CDH20: variants seen among roughly 807,000 people sequenced by gnomAD.
CDH20 encodes the protein cadherin-20.
A neutral mutation model predicts 74.2 loss-of-function variants in CDH20; 29 were observed. The ratio of observed to expected loss-of-function variants is 0.39; its 90% CI spans 0.29 to 0.53. CDH20 has a LOEUF of 0.53. Ranked by LOEUF, CDH20 falls within the 20% of genes least tolerant of loss-of-function variation. The pLI is 0.69. For missense variants in CDH20, 988 were observed against 1,048.3 expected, an observed-to-expected ratio of 0.94 and a Z score of 0.79; for synonymous variants, 469 against 405.4, an observed-to-expected ratio of 1.16 and a Z score of -1.88.
chr18:61,460,216 A>G (rs1157282598), intron 1 of CDH20, among the ~76,000 whole-genome samples: 2 of 152,346 alleles, frequency 1.3e-5, no homozygotes, highest in South Asian at 2.1e-4. Context: ...TTAAAATTCC[A>G]AAGGCATTTT....
intron 1 of CDH20, among the ~76,000 whole-genome samples, chr18:61,440,941 G>C (rs1599087178): frequency 6.6e-6 from 1 of 152,164 alleles, no homozygotes; most frequent in South Asian, 2.1e-4. Context: ...TCACATTGCA[G>C]AGTATGTGGA....
rs1472027632 is a variant in CDH20 at position 61,490,640 on chromosome 18, G to C, written c.87G>C (p.Thr29=). The C allele has an allele frequency of 3.7e-6, 6 of 1,613,888 alleles. No homozygotes were observed. Among genetic ancestry groups the C allele is most frequent in the Middle Eastern group, 1.6e-4 (1 of 6,084 alleles). ...ACTTCTGGGGGCTGATGGACCTTAC[G>C]ACCACCGTTCTCTCGGACACCCCAA... is the stretch of plus-strand genomic sequence containing the variant. The part of the protein sequence containing the change: ...SLYFWGLMDL[T]TTVLSDTPTP... Residue 29 remains threonine (T), a synonymous_variant, in exon 2 of 12, where the codon ACG becomes ACC. Coordinates refer to ENST00000262717, the MANE Select transcript of CDH20 (RefSeq NM_031891.4).
chr18:61,410,423 G>A lies in CDH20; in HGVS notation c.-153+76596G>A, dbSNP rs565673787. Among the ~76,000 whole-genome samples the A allele has an allele frequency of 9.2e-5, 14 of 152,254 alleles. No individual in the cohort carries two copies. In the South Asian group the frequency reaches 2.1e-3, roughly 23 times the overall value. ...TGTACAAGTATTAGTAAGGTGAAGC[G>A]AAATAAGTATTTGCATATGCTTCTA... On this transcript the variant is annotated intron_variant, in intron 1 of 11. Coordinates refer to ENST00000262717, the MANE Select transcript of CDH20 (RefSeq NM_031891.4).
intron 1 of CDH20, among the ~76,000 whole-genome samples, chr18:61,372,136 T>G (rs899855949): frequency 2.6e-5 from 4 of 152,106 alleles, no homozygotes; most frequent in Non-Finnish European, 5.9e-5. Flanking sequence ...AAAAGTTATT[T>G]TTAAAGTTTT....
intron 1 of CDH20, among the ~76,000 whole-genome samples, chr18:61,395,085 C>A (rs1484722554): frequency 6.6e-6 from 1 of 152,012 alleles, no homozygotes; most frequent in African/African-American, 2.4e-5. Context: ...CTTCCTCTTC[C>A]CCTTGCAAAA....
At chr18:61,391,993 A>G (rs995771152) in intron 1 of CDH20, among the ~76,000 whole-genome samples, 2 of 151,946 alleles carry the variant, frequency 1.3e-5, no homozygotes, top group Non-Finnish European at 2.9e-5. Context: ...TTGATCTTCC[A>G]CACTGCAGCT....
At chr18:61,472,751 T>TA (rs1311830312) in intron 1 of CDH20, among the ~76,000 whole-genome samples, 1 of 152,224 alleles carries the variant, frequency 6.6e-6, no homozygotes, top group Non-Finnish European at 1.5e-5. Flanking sequence ...TTGTAGTCAC[T>TA]AGTGCCCGTT....
intron 1 of CDH20, among the ~76,000 whole-genome samples, chr18:61,367,057 G>T (rs1050946806): frequency 2.6e-5 from 4 of 152,142 alleles, no homozygotes; most frequent in Non-Finnish European, 4.4e-5. Flanking sequence ...ATAAGAAAAT[G>T]AGTCTATTGT....
rs537456431 is a variant in CDH20, at chr18:61,337,037, C to T, written c.-153+3210C>T. Among the ~76,000 whole-genome samples, 16 of 152,236 alleles carry T rather than the reference C, an allele frequency of 1.1e-4. No homozygotes were observed. The South Asian group carries it at 1.9e-3, about 18-fold the overall frequency. ...GATTTCATTGTGGGTTGGTGTGACTCGAATAATTAGACAGTTAATTGTTCA... is the reference window on the plus strand; with the variant it reads ...GATTTCATTGTGGGTTGGTGTGACTTGAATAATTAGACAGTTAATTGTTCA... On this transcript the variant is annotated intron_variant, in intron 1 of 11. Coordinates refer to ENST00000262717, the MANE Select transcript of CDH20 (RefSeq NM_031891.4).
chr18:61,429,566 C>T (rs927882155), intron 1 of CDH20, among the ~76,000 whole-genome samples: 4 of 152,190 alleles, frequency 2.6e-5, no homozygotes, highest in African/African-American at 9.7e-5. Flanking sequence ...GTAGCCACAA[C>T]TTAATTTTCT....
At chr18:61,372,765 G>T (rs1226842118) in intron 1 of CDH20, among the ~76,000 whole-genome samples, 1 of 152,142 alleles carries the variant, frequency 6.6e-6, no homozygotes, top group African/African-American at 2.4e-5. Flanking sequence ...CTGCAGAGTT[G>T]AGTAGGTGTG....
chr18:61,548,158 A>G (rs1335484884), intron 10 of CDH20, among the ~76,000 whole-genome samples: 2 of 152,238 alleles, frequency 1.3e-5, no homozygotes, highest in African/African-American at 4.8e-5. Context: ...AAATATGAAT[A>G]TAATCCTCAG....
At position 61,499,381 on chromosome 18, in the gene CDH20, G is replaced by A. The variant is rs1012176951; in HGVS notation, c.442G>A (p.Glu148Lys). The change falls in exon 3 of 12, where the codon GAG becomes AAG. Residue 148 changes from glutamate (E) to lysine (K), a missense_variant. By Grantham distance (56) the Glu-to-Lys change is moderately conservative. Transcript: ENST00000262717. Reference protein sequence around the residue: ...DRRTGRPMEPESEFIIKIQDI... With the variant: ...DRRTGRPMEPKSEFIIKIQDI... ...GCGGACGGGCAGGCCAATGGAGCCC[G>A]AGTCAGAGTTCATCATCAAAATTCA... 46 of 1,613,984 alleles carry A rather than the reference G, an allele frequency of 2.9e-5. No homozygotes were observed. The highest frequency in any genetic ancestry group is 1.7e-4 in the Admixed American group (10 of 59,992).
At chr18:61,456,826 G>T (rs967060000) in intron 1 of CDH20, among the ~76,000 whole-genome samples, 1 of 152,246 alleles carries the variant, frequency 6.6e-6, no homozygotes, top group South Asian at 2.1e-4. Context: ...GGTGTCTGGT[G>T]AGGGTTCTCT....
At chr18:61,540,180 C>T (rs537098624) in intron 9 of CDH20, among the ~76,000 whole-genome samples, 5 of 152,260 alleles carry the variant, frequency 3.3e-5, no homozygotes, top group African/African-American at 9.6e-5. Context: ...TAGTCCTCAT[C>T]TACTGCCCTT....
intron 1 of CDH20, among the ~76,000 whole-genome samples, chr18:61,473,288 CAGAATGTATT>C (rs1312699919): frequency 6.6e-6 from 1 of 152,092 alleles, no homozygotes; most frequent in East Asian, 1.9e-4. Flanking sequence ...CAGAATGTAT[CAGAATGTATT>C]TCCCATTAAT....
intron 1 of CDH20, among the ~76,000 whole-genome samples, chr18:61,374,018 A>C (rs906076979): frequency 2.0e-5 from 3 of 152,132 alleles, no homozygotes; most frequent in Non-Finnish European, 4.4e-5. Flanking sequence ...TGACAAGGAA[A>C]TCAGGTATGC....
At chr18:61,375,269 C>T (rs138323977) in intron 1 of CDH20, among the ~76,000 whole-genome samples, 30 of 152,236 alleles carry the variant, frequency 2.0e-4, no homozygotes, top group African/African-American at 7.2e-4. Flanking sequence ...GAAGTATTCA[C>T]AGAAGTGTTT....
rs74867767 is a variant in CDH20, at chr18:61,378,809, G to T, written c.-153+44982G>T. On this transcript the variant is annotated intron_variant, in intron 1 of 11. Coordinates refer to ENST00000262717, the MANE Select transcript of CDH20 (RefSeq NM_031891.4). ...TTCAAAATTAATTTCTAAAGAACTGGCATTTGGTGCTTCAGCTTAGATGTG... is the reference window on the plus strand; with the variant it reads ...TTCAAAATTAATTTCTAAAGAACTGTCATTTGGTGCTTCAGCTTAGATGTG... Among the ~76,000 whole-genome samples the T allele has an allele frequency of 2.6e-5, 4 of 152,210 alleles. No individual in the cohort carries two copies. In the East Asian group the frequency reaches 7.7e-4, roughly 29 times the overall value.
Sources: allele counts gnomAD v4.1 joint callset (sites outside exome capture counted in the v4.1 genomes callset), GRCh38; gene constraint gnomAD v4.1.1; transcripts MANE v1.5; gene names NCBI Gene and HGNC (gene_info 2026-07-23, HGNC 2026-07-21).